The following TENT4B variants were observed in gnomAD, a reference collection of about 807,000 sequenced individuals.
The protein encoded by TENT4B is terminal nucleotidyltransferase 4B, also known as PAP associated domain containing 5.
Under a neutral mutation model 75.0 loss-of-function variants are expected in TENT4B, and 10 were observed. That is an observed-to-expected ratio of 0.13 (90% CI 0.08 to 0.23). TENT4B has a LOEUF of 0.23. Among genes scored for constraint, TENT4B ranks in the 10% least tolerant of loss-of-function variants. TENT4B has a pLI of 1.00. For synonymous variants in TENT4B, 350 were observed against 357.7 expected, an observed-to-expected ratio of 0.98 and a Z score of 0.24; for missense variants, 579 against 893.8, an observed-to-expected ratio of 0.65 and a Z score of 4.49.
In TENT4B at chr16:50,153,915, G is replaced by C. The variant is rs1439696550; in HGVS notation, c.294G>C (p.Ala98=). 289 of 1,526,802 alleles carry C rather than the reference G, an allele frequency of 1.9e-4. No individual in the cohort carries two copies. Among genetic ancestry groups the C allele is most frequent in the Non-Finnish European group, 2.4e-4 (276 of 1,143,686 alleles). 94.6% of individuals were successfully genotyped at this position (1,526,802 alleles called of 1,614,324 possible). A position where few individuals can be genotyped will look rare whatever the true frequency, so the allele number is the denominator to read the frequency against. ...ERLLGSHALP[A]EQRDFLPLET... ...TGCTGGGCAGCCACGCGCTGCCCGC[G>C]GAGCAGCGGGACTTCCTGCCCCTAG... The change falls in exon 1 of 12, where the codon GCG becomes GCC. Residue 98 remains alanine (A), a synonymous_variant. Coordinates refer to ENST00000561678, the MANE Select transcript of TENT4B (RefSeq NM_001365324.3).
At position 50,229,703 on chromosome 16, in the gene TENT4B, C is replaced by G. The variant is rs1004505341; in HGVS notation, c.*375C>G. 1.7e-5 allele frequency: 17 copies of G among 992,678 alleles called. No individual in the cohort carries two copies. Among genetic ancestry groups the G allele is most frequent in the Admixed American group, 6.1e-5 (1 of 16,374 alleles). 61.5% of individuals were successfully genotyped at this position (992,678 alleles called of 1,614,324 possible). A position where few individuals can be genotyped will look rare whatever the true frequency, so the allele number is the denominator to read the frequency against. ...GGGTGATAGAAACAAAAAACAGTAT[C>G]AGAGGATGAGGTGGGGAAGGAAAAC... On this transcript the variant is annotated 3_prime_UTR_variant, in exon 12 of 12. Transcript: ENST00000561678.
chr16:50,201,823 C>T (rs1453824844), intron 1 of TENT4B, among the ~76,000 whole-genome samples: 1 of 107,440 alleles, frequency 9.3e-6, no homozygotes, highest in Non-Finnish European at 2.0e-5. Context: ...AAGAGGGATA[C>T]TCTATTTAAA....
rs1288802187 is a variant in TENT4B at position 50,230,530 on chromosome 16, T to A, written c.*1202T>A. 2 of 977,280 alleles carry A rather than the reference T, an allele frequency of 2.0e-6. No homozygotes were observed. The highest frequency in any genetic ancestry group is 2.4e-6 in the Non-Finnish European group (2 of 822,270). 60.5% of individuals were successfully genotyped at this position (977,280 alleles called of 1,614,324 possible). On this transcript the variant is annotated 3_prime_UTR_variant, in exon 12 of 12. Coordinates refer to ENST00000561678, the MANE Select transcript of TENT4B (RefSeq NM_001365324.3). ...AACTATTTTCTTATATTCCACTCTA[T>A]GCTTTTGGTATTGTTGATCTTTACA... is the stretch of plus-strand genomic sequence containing the variant.
At chr16:50,223,611 C>T (rs954173254) in intron 7 of TENT4B, among the ~76,000 whole-genome samples, 7 of 152,248 alleles carry the variant, frequency 4.6e-5, no homozygotes, top group African/African-American at 1.4e-4. Context: ...ATCTGTTTAA[C>T]CCTAAAAGCA....
intron 1 of TENT4B, among the ~76,000 whole-genome samples, chr16:50,169,361 T>C (rs1265101204): frequency 6.7e-6 from 1 of 148,982 alleles, no homozygotes; most frequent in Admixed American, 6.8e-5. Flanking sequence ...TGTAACTAGA[T>C]CTAGAGATTT....
intron 1 of TENT4B, among the ~76,000 whole-genome samples, chr16:50,171,029 T>C (rs1186964818): frequency 1.3e-5 from 2 of 151,110 alleles, no homozygotes; most frequent in Non-Finnish European, 2.9e-5. Context: ...ACTCCAGGCC[T>C]CAAGCCGTCC....
intron 1 of TENT4B, among the ~76,000 whole-genome samples, chr16:50,200,146 C>T (rs1380277966): frequency 2.6e-5 from 4 of 151,934 alleles, no homozygotes; most frequent in Non-Finnish European, 4.4e-5. Context: ...CAGGAGGATC[C>T]CTTGAAGCCA....
chr16:50,230,382 TG>T lies in TENT4B; in HGVS notation c.*1056del. ...TTCGAGTTCCACAGACTTTGCATGC[TG>T]GCTTCTCTAACCCTGTGTGCTGCGT... On this transcript the variant is annotated 3_prime_UTR_variant, in exon 12 of 12. Coordinates refer to ENST00000561678, the MANE Select transcript of TENT4B (RefSeq NM_001365324.3). 2.0e-6 allele frequency: 2 copies of T among 985,684 alleles called. No individual in the cohort carries two copies. The highest frequency in any genetic ancestry group is 2.4e-6 in the Non-Finnish European group (2 of 829,878). 61.1% of individuals were successfully genotyped at this position (985,684 alleles called of 1,614,324 possible). A position where few individuals can be genotyped will look rare whatever the true frequency, so the allele number is the denominator to read the frequency against.
At chr16:50,205,787 C>T (rs1437427846) in intron 1 of TENT4B, among the ~76,000 whole-genome samples, 2 of 151,418 alleles carry the variant, frequency 1.3e-5, no homozygotes, top group Non-Finnish European at 2.9e-5. Flanking sequence ...GATGGGGTTT[C>T]GCCATGTTGG....
intron 1 of TENT4B, among the ~76,000 whole-genome samples, chr16:50,171,282 T>C (rs2150682585): frequency 6.6e-6 from 1 of 152,230 alleles, no homozygotes; most frequent in South Asian, 2.1e-4. Context: ...GCACCTGTAG[T>C]CCCGGTTACT....
intron 10 of TENT4B, 149 bp from the exon 11 acceptor site, chr16:50,227,690 C>G: frequency 1.2e-6 from 1 of 835,510 alleles, no homozygotes; most frequent in Admixed American, 2.9e-5. Context: ...AAAATTTAAA[C>G]AAACAGTTAA....
intron 5 of TENT4B, 113 bp downstream of exon 5, chr16:50,217,776 T>C (rs200767494): frequency 7.7e-4 from 10 of 12,926 alleles, no homozygotes; most frequent in Middle Eastern, 0.019. Context: ...CTCTCTCTCT[T>C]TTAAATAGAG....
intron 1 of TENT4B, among the ~76,000 whole-genome samples, chr16:50,190,759 A>G (rs1253511959): frequency 1.3e-5 from 2 of 152,084 alleles, no homozygotes; most frequent in Non-Finnish European, 2.9e-5. Context: ...GTTCAGTGGC[A>G]TTAAATACAT....
chr16:50,217,775 T>TCTCTCTCTCTCTCTCTCTCTC, intron 5 of TENT4B, 112 bp downstream of exon 5: 7 of 632,956 alleles, frequency 1.1e-5, no homozygotes, highest in South Asian at 2.0e-5. Context: ...TCTCTCTCTC[T>TCTCTCTCTCTCTCTCTCTCTC]TTTAAATAGA....
intron 1 of TENT4B, among the ~76,000 whole-genome samples, chr16:50,165,976 T>G (rs1048752283): frequency 1.3e-5 from 2 of 152,208 alleles, no homozygotes; most frequent in African/African-American, 4.8e-5. Flanking sequence ...ACTCTCTGTT[T>G]AACATTTTGA....
chr16:50,220,850 T>C (rs983956497), intron 5 of TENT4B, among the ~76,000 whole-genome samples: 4 of 152,226 alleles, frequency 2.6e-5, no homozygotes, highest in Non-Finnish European at 5.9e-5. Context: ...AAAATACTTA[T>C]TTCTCCATAT....
At chr16:50,172,865 T>C (rs1195439902) in intron 1 of TENT4B, among the ~76,000 whole-genome samples, 1 of 152,222 alleles carries the variant, frequency 6.6e-6, no homozygotes, top group African/African-American at 2.4e-5. Context: ...ACAGTCTCTA[T>C]AGTTTTACCT....
At chr16:50,211,860 A>G (rs539451447) in intron 2 of TENT4B, among the ~76,000 whole-genome samples, 1 of 152,304 alleles carries the variant, frequency 6.6e-6, no homozygotes, top group African/African-American at 2.4e-5. Flanking sequence ...GAAAATGTCA[A>G]GTAAGAACTT....
intron 1 of TENT4B, among the ~76,000 whole-genome samples, chr16:50,183,396 G>A (rs2150699109): frequency 6.6e-6 from 1 of 151,928 alleles, no homozygotes; most frequent in East Asian, 1.9e-4. Flanking sequence ...TGCCTGGTGT[G>A]TTCATTGGAG....
Sources: allele counts gnomAD v4.1 joint callset (sites outside exome capture counted in the v4.1 genomes callset), GRCh38; gene constraint gnomAD v4.1.1; transcripts MANE v1.5; gene names NCBI Gene and HGNC (gene_info 2026-07-23, HGNC 2026-07-21).